The following CRPPA variants were observed in gnomAD, a reference collection of about 807,000 sequenced individuals.
CRPPA encodes CDP-L-ribitol pyrophosphorylase A, also known as D-ribitol-5-phosphate cytidylyltransferase.
A neutral mutation model predicts 52.0 loss-of-function variants in CRPPA; 43 were observed. That is an observed-to-expected ratio of 0.83 (90% CI 0.65 to 1.07). CRPPA has a LOEUF of 1.07. CRPPA is among the 50% of genes least tolerant of loss of function. The pLI is 0.00. For synonymous variants in CRPPA, 250 were observed against 203.5 expected (o/e 1.23, Z -1.94); for missense variants, 629 against 551.7 (o/e 1.14, Z -1.40).
chr7:16,099,873 T>G (rs1004793515), intron 9 of CRPPA, among the ~76,000 whole-genome samples: 13 of 152,210 alleles, frequency 8.5e-5, no homozygotes, highest in African/African-American at 3.1e-4. Context: ...CCTACACAAC[T>G]CACCCAGCAA....
At chr7:16,109,014 T>A (rs560628181) in intron 9 of CRPPA, among the ~76,000 whole-genome samples, 4 of 151,770 alleles carry the variant, frequency 2.6e-5, no homozygotes, top group African/African-American at 4.8e-5. Flanking sequence ...TAGTGTTACA[T>A]CTCAAGAAAC....
intron 8 of CRPPA, among the ~76,000 whole-genome samples, chr7:16,253,898 A>G (rs1783534447): frequency 6.6e-6 from 1 of 152,170 alleles, no homozygotes; most frequent in Non-Finnish European, 1.5e-5. Context: ...CAAGAAAAAA[A>G]CAAACAACCC....
chr7:16,211,267 A>G (rs1782128974), intron 9 of CRPPA, among the ~76,000 whole-genome samples: 1 of 152,234 alleles, frequency 6.6e-6, no homozygotes, highest in African/African-American at 2.4e-5. Flanking sequence ...CAAATTTTTG[A>G]AAACATATTT....
chr7:16,336,363 G>A (rs1785680038), intron 3 of CRPPA, among the ~76,000 whole-genome samples: 1 of 152,084 alleles, frequency 6.6e-6, no homozygotes, highest in Non-Finnish European at 1.5e-5. Flanking sequence ...ATAAGAGAAA[G>A]GGAGAGTGAA....
At chr7:16,150,616 T>C (rs1783059546) in intron 9 of CRPPA, among the ~76,000 whole-genome samples, 1 of 152,086 alleles carries the variant, frequency 6.6e-6, no homozygotes, top group South Asian at 2.1e-4. Context: ...AAAAAATGAG[T>C]AAGAGTTAAG....
intron 8 of CRPPA, among the ~76,000 whole-genome samples, chr7:16,240,025 A>C (rs553263742): frequency 3.4e-4 from 52 of 152,112 alleles, no homozygotes; most frequent in African/African-American, 1.3e-3. Flanking sequence ...CATCAGTTAC[A>C]TGTCCATCAC....
chr7:16,349,495 G>T (rs1265295515), intron 3 of CRPPA, among the ~76,000 whole-genome samples: 2 of 152,136 alleles, frequency 1.3e-5, no homozygotes, highest in African/African-American at 4.8e-5. Flanking sequence ...ACCTGACAGG[G>T]AATTTAGAAC....
intron 9 of CRPPA, among the ~76,000 whole-genome samples, chr7:16,185,945 GTA>G (rs1781496857): frequency 6.6e-6 from 1 of 152,120 alleles, no homozygotes; most frequent in African/African-American, 2.4e-5. Context: ...AAGCATGACT[GTA>G]CATATTCACA....
chr7:16,108,030 A>G (rs963583772), intron 9 of CRPPA, among the ~76,000 whole-genome samples: 3 of 152,070 alleles, frequency 2.0e-5, no homozygotes, highest in South Asian at 2.1e-4. Context: ...AAGGATTCAA[A>G]GCATGCTAGC....
intron 2 of CRPPA, among the ~76,000 whole-genome samples, chr7:16,393,819 G>A (rs1787502268): frequency 6.6e-6 from 1 of 151,840 alleles, no homozygotes; most frequent in Admixed American, 6.6e-5. Flanking sequence ...GCATGCACTG[G>A]CCAAAGTATT....
At chr7:16,256,729 C>A (rs1783650702) in intron 8 of CRPPA, among the ~76,000 whole-genome samples, 1 of 151,858 alleles carries the variant, frequency 6.6e-6, no homozygotes, top group Non-Finnish European at 1.5e-5. Context: ...CACATGGACA[C>A]AAGGAGGGGA....
chr7:16,250,536 C>T (rs180964340), intron 8 of CRPPA, among the ~76,000 whole-genome samples: 125 of 152,314 alleles, frequency 8.2e-4, no homozygotes, highest in African/African-American at 2.8e-3. Context: ...TCAGCAGAAA[C>T]TCTACAAGCC....
chr7:16,186,298 G>A (rs929434139), intron 9 of CRPPA, among the ~76,000 whole-genome samples: 4 of 152,146 alleles, frequency 2.6e-5, no homozygotes, highest in Non-Finnish European at 5.9e-5. Context: ...GGTCAGAAGG[G>A]TAGAGTCCTC....
intron 3 of CRPPA, among the ~76,000 whole-genome samples, chr7:16,321,548 T>C (rs1785265501): frequency 6.6e-6 from 1 of 152,114 alleles, no homozygotes; most frequent in African/African-American, 2.4e-5. Context: ...TTGGCCATAA[T>C]CTCACTAACA....
Position 16,376,097 on chromosome 7 carries a change from G to T in CRPPA, c.679C>A (p.Gln227Lys). 2 of 1,584,492 alleles carry T rather than the reference G, an allele frequency of 1.3e-6. No individual in the cohort carries two copies. The highest frequency in any genetic ancestry group is 1.7e-6 in the Non-Finnish European group (2 of 1,165,776). ...CAAAAAGCCCAAATTCTTACCTGCTGATATGCTTCATAAATCACATCAAAT... is the reference window on the plus strand; with the variant it reads ...CAAAAAGCCCAAATTCTTACCTGCTTATATGCTTCATAAATCACATCAAAT... ...FLFDVIYEAY[Q>K]QCSDYDLEFG... Residue 227 changes from glutamine to lysine, a missense_variant, in exon 3 of 10, where the codon CAG (glutamine) becomes AAG (lysine). Physicochemically the swap from Gln to Lys is moderately conservative, Grantham distance 53. Transcript: ENST00000407010.
intron 9 of CRPPA, among the ~76,000 whole-genome samples, chr7:16,204,283 T>A (rs1266537727): frequency 6.6e-6 from 1 of 152,194 alleles, no homozygotes; most frequent in Non-Finnish European, 1.5e-5. Flanking sequence ...ATCAAATTAA[T>A]ATCCAAACAA....
rs1421088621 is a variant in CRPPA at position 16,381,592 on chromosome 7, G to A, written c.535-5351C>T. Among the ~76,000 whole-genome samples the A allele has an allele frequency of 3.3e-5, 5 of 152,010 alleles. No homozygotes were observed. The South Asian group carries it at 1.0e-3, about 32-fold the overall frequency. On this transcript the variant is annotated intron_variant, in intron 2 of 9. Coordinates refer to ENST00000407010, the MANE Select transcript of CRPPA (RefSeq NM_001101426.4). ...ATCTGTCTAATGTTGACAGTGGGGT[G>A]TTAAAGTCTCCCATTATTATTGTGT...
At chr7:16,408,086 C>T (rs1002773043) in intron 1 of CRPPA, among the ~76,000 whole-genome samples, 30 of 146,074 alleles carry the variant, frequency 2.1e-4, no homozygotes, top group Admixed American at 9.2e-4. Context: ...CTAGCCTGGG[C>T]GACAGAGCAG....
At chr7:16,099,014 T>G (rs566434525) in intron 9 of CRPPA, among the ~76,000 whole-genome samples, 1 of 152,328 alleles carries the variant, frequency 6.6e-6, no homozygotes, top group South Asian at 2.1e-4. Context: ...TTTAGTCTTT[T>G]TTATTTTCTG....
Sources: allele counts gnomAD v4.1 joint callset (sites outside exome capture counted in the v4.1 genomes callset), GRCh38; gene constraint gnomAD v4.1.1; transcripts MANE v1.5; gene names NCBI Gene and HGNC (gene_info 2026-07-23, HGNC 2026-07-21).